CEP295: variants seen among roughly 807,000 people sequenced by gnomAD.
CEP295 encodes the protein centrosomal protein 295.
Under a neutral mutation model 291.6 loss-of-function variants are expected in CEP295, and 190 were observed. The observed-to-expected ratio is 0.65, with a 90% confidence interval of 0.58 to 0.73. The LOEUF (loss-of-function observed/expected upper bound fraction) is 0.73, where lower values mean the gene tolerates loss of function less well. Among genes scored for constraint, CEP295 ranks in the 30% least tolerant of loss-of-function variants. The pLI, the probability that CEP295 is intolerant of heterozygous loss-of-function variation, is 0.00. For synonymous variants in CEP295, 993 were observed against 1,038.8 expected, an observed-to-expected ratio of 0.96 and a Z score of 0.85; for missense variants, 2,863 against 2,949.4, an observed-to-expected ratio of 0.97 and a Z score of 0.68.
chr11:93,724,660 G>A (rs1396164138), intron 22 of CEP295, among the ~76,000 whole-genome samples: 5 of 152,000 alleles, frequency 3.3e-5, no homozygotes, highest in Admixed American at 6.6e-5. Flanking sequence ...CCAGCTACTC[G>A]GGAGGCTGAG....
intron 23 of CEP295, among the ~76,000 whole-genome samples, chr11:93,726,170 GC>G (rs200224793): frequency 0.015 from 2,319 of 151,812 alleles, 27 homozygotes; most frequent in Non-Finnish European, 0.024. Flanking sequence ...CACTCTTGTT[GC>G]CCAGGCTGGA....
chr11:93,684,084 AC>A lies in CEP295; in HGVS notation c.1072del (p.Leu358PhefsTer3). ...MEQENLGAAE[D>X]LPVTEAEICS... Reference sequence around the variant, plus strand: ...CAAGAAAATTTGGGTGCAGCTGAAGACCTTCCAGTGACAGAAGCTGAAATAT... The same window carrying A: ...CAAGAAAATTTGGGTGCAGCTGAAGACTTCCAGTGACAGAAGCTGAAATAT... On this transcript the variant is annotated frameshift_variant, in exon 9 of 30. Coordinates refer to ENST00000325212, the MANE Select transcript of CEP295 (RefSeq NM_033395.2). LOFTEE classifies it high-confidence loss of function. 6.4e-7 allele frequency: 1 copy of A among 1,551,628 alleles called. No homozygotes were observed. The highest frequency in any genetic ancestry group is 8.7e-7 in the Non-Finnish European group (1 of 1,146,986).
chr11:93,717,810 C>G (rs1190045599), intron 18 of CEP295, among the ~76,000 whole-genome samples: 1 of 152,086 alleles, frequency 6.6e-6, no homozygotes, highest in Non-Finnish European at 1.5e-5. Context: ...TGATGTTTAA[C>G]AGAACACCAG....
At position 93,683,693 on chromosome 11, in the gene CEP295, G is replaced by A; in HGVS notation, c.900G>A (p.Trp300Ter). 6.5e-7 allele frequency: 1 copy of A among 1,547,300 alleles called. No homozygotes were observed. The highest frequency in any genetic ancestry group is 8.7e-7 in the Non-Finnish European group (1 of 1,146,072). ...PYKRSEMKEDWQRELEFAFED... is the reference protein window; with the variant it reads ...PYKRSEMKED ...AACGCAGTGAAATGAAAGAAGACTGGCAGAGAGAATTGGAATTTGCCTTTG... is the reference window on the plus strand; with the variant it reads ...AACGCAGTGAAATGAAAGAAGACTGACAGAGAGAATTGGAATTTGCCTTTG... The change falls in exon 8 of 30, where the codon TGG becomes TGA. Residue 300 changes from tryptophan (W) to a stop codon, truncating the protein, a stop_gained. Coordinates refer to ENST00000325212, the MANE Select transcript of CEP295 (RefSeq NM_033395.2). LOFTEE classifies it high-confidence loss of function.
rs184643301 is a variant in CEP295 at position 93,727,903 on chromosome 11, G to A, written c.7161+266G>A. On this transcript the variant is annotated intron_variant, in intron 24 of 29. Coordinates refer to ENST00000325212, the MANE Select transcript of CEP295 (RefSeq NM_033395.2). Reference sequence around the variant, plus strand: ...GATCACTAGAAATATCCAGCATAATGCAGAAACTTAAAAATTTGAAAACTG... The same window carrying A: ...GATCACTAGAAATATCCAGCATAATACAGAAACTTAAAAATTTGAAAACTG... 54 of 292,334 alleles carry A rather than the reference G, an allele frequency of 1.8e-4. No homozygotes were observed. The East Asian group carries it at 3.1e-3, about 17-fold the overall frequency. 18.1% of individuals were successfully genotyped at this position (292,334 alleles called of 1,614,324 possible). A position where few individuals can be genotyped will look rare whatever the true frequency, so the allele number is the denominator to read the frequency against.
chr11:93,729,846 T>C (rs1168645400), intron 27 of CEP295, 24 bp from the exon 28 acceptor site: 3 of 1,537,240 alleles, frequency 2.0e-6, no homozygotes, highest in East Asian at 2.4e-5. Context: ...TGTTTACAAC[T>C]TGATTTCACT....
At position 93,683,981 on chromosome 11, in the gene CEP295, A is replaced by AT; in HGVS notation, c.969dup (p.Leu324SerfsTer4). 6.4e-7 allele frequency: 1 copy of AT among 1,551,168 alleles called. No homozygotes were observed. The highest frequency in any genetic ancestry group is 8.7e-7 in the Non-Finnish European group (1 of 1,146,960). ...TTTTTAAGAGGTGAAAGGGAATCTG[A>AT]TTCTGCACCTTGAACCAGAGCCCTT... On this transcript the variant is annotated frameshift_variant, in exon 9 of 30. Transcript: ENST00000325212. LOFTEE classifies it high-confidence loss of function.
rs1362015087 is a variant in CEP295 at position 93,728,724 on chromosome 11, C to A, written c.7205C>A (p.Thr2402Asn). The A allele has an allele frequency of 6.5e-7, 1 of 1,549,720 alleles. No individual in the cohort carries two copies. Among genetic ancestry groups the A allele is most frequent in the Non-Finnish European group, 8.7e-7 (1 of 1,146,380 alleles). ...GHGIMEEPEL[T>N]LISTTDTSIA... is the part of the protein sequence containing the mutation. ...GGTATAATGGAAGAACCAGAACTTA[C>A]TTTAATAAGCACCACTGATACCAGT... is the stretch of plus-strand genomic sequence containing the variant. Residue 2402 changes from threonine to asparagine, a missense_variant, in exon 25 of 30, where the codon ACT (threonine) becomes AAT (asparagine). By Grantham distance (65) the Thr-to-Asn change is moderately conservative. Transcript: ENST00000325212.
chr11:93,694,327 C>G (rs1228530869), intron 12 of CEP295, among the ~76,000 whole-genome samples: 1 of 152,098 alleles, frequency 6.6e-6, no homozygotes, highest in Non-Finnish European at 1.5e-5. Context: ...CTTAATAGTA[C>G]CAAACTGTGG....
chr11:93,697,395 A>C lies in CEP295; in HGVS notation c.2483A>C (p.Gln828Pro). 1 of 1,552,162 alleles carries C rather than the reference A, an allele frequency of 6.4e-7. No homozygotes were observed. ...TCCACAAGCCATTCTATAATCAGCC[A>C]AATGCATGATAGGCCTTTGCTGCCG... ...TVSTSHSIISQMHDRPLLPSE... is the reference protein window; with the variant it reads ...TVSTSHSIISPMHDRPLLPSE... Residue 828 changes from glutamine (Q) to proline (P), a missense_variant, in exon 15 of 30, where the codon CAA (glutamine) becomes CCA (proline). By Grantham distance (76) the Gln-to-Pro change is moderately conservative (BLOSUM62 -1). Coordinates refer to ENST00000325212, the MANE Select transcript of CEP295 (RefSeq NM_033395.2).
At chr11:93,705,204 A>C (rs546770465) in intron 17 of CEP295, among the ~76,000 whole-genome samples, 169 of 152,250 alleles carry the variant, frequency 1.1e-3, no homozygotes, top group African/African-American at 3.9e-3. Flanking sequence ...CGTGCTATGC[A>C]TTCTTAACAA....
intron 23 of CEP295, 133 bp downstream of exon 23, chr11:93,725,964 T>C (rs1169571089): frequency 1.5e-6 from 1 of 661,136 alleles, no homozygotes; most frequent in Non-Finnish European, 2.5e-6. Flanking sequence ...TTAAAAAATA[T>C]TTAAATTACA....
Position 93,730,086 on chromosome 11 carries a change from G to A in CEP295, c.7705G>A (p.Glu2569Lys), listed in dbSNP as rs1185412408. The change falls in exon 29 of 30, where the codon GAA (glutamate) becomes AAA (lysine). Residue 2569 changes from glutamate (E) to lysine (K), a missense_variant. Around this residue, in one of 3 missense-constraint regions of CEP295, gnomAD observed 2,295 missense variants for 2,335.7 expected, o/e 0.98. Transcript: ENST00000325212. ...NQLAEVKQQK[E>K]EKTKQEAYAQ... is the part of the protein sequence containing the mutation. Reference sequence around the variant, plus strand: ...ACTAGCTGAAGTGAAACAACAAAAGGAAGAAAAAACAAAACAAGAAGCTTA... The same window carrying A: ...ACTAGCTGAAGTGAAACAACAAAAGAAAGAAAAAACAAAACAAGAAGCTTA... 2.3e-5 allele frequency: 36 copies of A among 1,550,560 alleles called. No homozygotes were observed. Among genetic ancestry groups the A allele is most frequent in the East Asian group, 4.9e-5 (2 of 40,872 alleles).
intron 18 of CEP295, among the ~76,000 whole-genome samples, chr11:93,709,616 G>A (rs531280311): frequency 6.6e-5 from 10 of 151,950 alleles, no homozygotes; most frequent in African/African-American, 2.2e-4. Flanking sequence ...GGATAGCTTT[G>A]GCTATTCTGG....
intron 18 of CEP295, among the ~76,000 whole-genome samples, chr11:93,710,538 G>A (rs12293610): frequency 6.6e-6 from 1 of 151,862 alleles, no homozygotes; most frequent in African/African-American, 2.4e-5. Flanking sequence ...TAGTATTTTA[G>A]CATCAGTATT....
chr11:93,669,916 G>A, intron 5 of CEP295, 146 bp downstream of exon 5: 1 of 553,566 alleles, frequency 1.8e-6, no homozygotes, highest in Non-Finnish European at 3.2e-6. Context: ...TCTGGAGTAT[G>A]TTAAAATAAT....
chr11:93,711,282 A>G (rs1297054734), intron 18 of CEP295, among the ~76,000 whole-genome samples: 3 of 152,064 alleles, frequency 2.0e-5, no homozygotes, highest in Non-Finnish European at 2.9e-5. Context: ...GCTGTATTTC[A>G]TAAGTTTGGG....
intron 18 of CEP295, among the ~76,000 whole-genome samples, chr11:93,720,472 T>C (rs1204327343): frequency 3.1e-4 from 1 of 3,252 alleles, no homozygotes; most frequent in Non-Finnish European, 2.6e-3. Context: ...AGAGTCTGCC[T>C]CAAAAAAAAA....
intron 12 of CEP295, among the ~76,000 whole-genome samples, chr11:93,695,229 C>T (rs1183081722): frequency 6.6e-6 from 1 of 152,234 alleles, no homozygotes; most frequent in East Asian, 1.9e-4. Context: ...ACTGTGCTCT[C>T]AGAAAGTAGA....
Sources: allele counts gnomAD v4.1 joint callset (sites outside exome capture counted in the v4.1 genomes callset), GRCh38; gene constraint gnomAD v4.1.1; regional missense constraint gnomAD v4.1.1; transcripts MANE v1.5; gene names NCBI Gene and HGNC (gene_info 2026-07-23, HGNC 2026-07-21).